Variants in CNTNAP2 observed in about 807,000 individuals in gnomAD.
CNTNAP2 encodes contactin associated protein 2, also known as contactin-associated protein-like 2.
In CNTNAP2, 98 loss-of-function variants were observed where a neutral mutation model predicts 155.2. That is an observed-to-expected ratio of 0.63 (90% CI 0.54 to 0.75). CNTNAP2 has a LOEUF of 0.75. CNTNAP2 is among the 30% of genes least tolerant of loss of function. CNTNAP2 has a pLI of 0.00. For missense variants in CNTNAP2, 1,727 were observed against 1,688.1 expected, an observed-to-expected ratio of 1.02 and a Z score of -0.40; for synonymous variants, 651 against 631.2, an observed-to-expected ratio of 1.03 and a Z score of -0.47.
At chr7:147,444,748 G>T (rs1299579335) in intron 10 of CNTNAP2, among the ~76,000 whole-genome samples, 1 of 152,092 alleles carries the variant, frequency 6.6e-6, no homozygotes, top group Non-Finnish European at 1.5e-5. Context: ...AGCAAGTGCA[G>T]GAGGAAAGCA....
intron 10 of CNTNAP2, among the ~76,000 whole-genome samples, chr7:147,458,251 T>C (rs928181054): frequency 1.1e-4 from 16 of 152,130 alleles, no homozygotes; most frequent in African/African-American, 3.6e-4. Flanking sequence ...TGTTGAACAG[T>C]AAATTTTATT....
At chr7:147,795,304 C>A (rs941503109) in intron 13 of CNTNAP2, among the ~76,000 whole-genome samples, 2 of 151,688 alleles carry the variant, frequency 1.3e-5, no homozygotes, top group Non-Finnish European at 2.9e-5. Context: ...ACAATTTCTG[C>A]CTTTTAATTA....
chr7:147,488,104 C>T (rs188373185), intron 11 of CNTNAP2, among the ~76,000 whole-genome samples: 106 of 152,248 alleles, frequency 7.0e-4, no homozygotes, highest in Non-Finnish European at 1.1e-3. Flanking sequence ...CATTTGCCTC[C>T]TAATAACCTG....
At chr7:147,557,472 C>T (rs1050539068) in intron 11 of CNTNAP2, among the ~76,000 whole-genome samples, 4 of 152,078 alleles carry the variant, frequency 2.6e-5, no homozygotes, top group African/African-American at 9.7e-5. Context: ...ATTTATTTTG[C>T]CATCAACCCA....
chr7:148,178,670 T>G (rs1436243306), intron 18 of CNTNAP2, among the ~76,000 whole-genome samples: 2 of 152,178 alleles, frequency 1.3e-5, no homozygotes, highest in Non-Finnish European at 2.9e-5. Flanking sequence ...TTAGGAAAAT[T>G]GTTTGTCACT....
intron 13 of CNTNAP2, among the ~76,000 whole-genome samples, chr7:147,761,075 A>G (rs1370117419): frequency 6.6e-6 from 1 of 152,184 alleles, no homozygotes; most frequent in Non-Finnish European, 1.5e-5. Context: ...TTCCCAAAGA[A>G]TGAAATTAAT....
chr7:146,901,447 A>G (rs1273645745), intron 3 of CNTNAP2, among the ~76,000 whole-genome samples: 1 of 152,234 alleles, frequency 6.6e-6, no homozygotes, highest in Non-Finnish European at 1.5e-5. Flanking sequence ...ACACAGGGAA[A>G]GAATTAAAGA....
intron 13 of CNTNAP2, among the ~76,000 whole-genome samples, chr7:147,794,323 T>C (rs1361261097): frequency 1.3e-5 from 2 of 151,972 alleles, no homozygotes; most frequent in Admixed American, 6.5e-5. Flanking sequence ...ATGAAGACAT[T>C]TCCTTCTATT....
intron 11 of CNTNAP2, among the ~76,000 whole-genome samples, chr7:147,519,023 CAAAAAAA>C (rs149054741): frequency 4.4e-4 from 45 of 102,272 alleles, no homozygotes; most frequent in African/African-American, 1.5e-3. Context: ...GACTCTGTCT[CAAAAAAA>C]AAAAAAAAAA....
intron 18 of CNTNAP2, among the ~76,000 whole-genome samples, chr7:148,181,007 G>A (rs967319358): frequency 1.3e-5 from 2 of 152,196 alleles, no homozygotes; most frequent in Non-Finnish European, 2.9e-5. Context: ...CTATCTACTA[G>A]AGATGAGATA....
chr7:147,467,985 C>T (rs945540998), intron 10 of CNTNAP2, among the ~76,000 whole-genome samples: 3 of 151,976 alleles, frequency 2.0e-5, no homozygotes, highest in African/African-American at 7.3e-5. Flanking sequence ...ATGCTATGAT[C>T]ACAGCACTGC....
At position 146,870,755 on chromosome 7, in the gene CNTNAP2, T is replaced by A. The variant is rs564117588; in HGVS notation, c.402+30851T>A. Among the ~76,000 whole-genome samples the A allele has an allele frequency of 2.0e-5, 3 of 152,166 alleles. No homozygotes were observed. In the South Asian group the frequency reaches 6.2e-4, roughly 32 times the overall value. On this transcript the variant is annotated intron_variant, in intron 3 of 23. Transcript: ENST00000361727. ...TATTTTTGAGGTTGTGTCAATAGAG[T>A]CATGATTAATAACAAGCATAATAAA...
chr7:147,966,905 T>C (rs1801224629), intron 14 of CNTNAP2, among the ~76,000 whole-genome samples: 1 of 152,110 alleles, frequency 6.6e-6, no homozygotes, highest in African/African-American at 2.4e-5. Flanking sequence ...TGGGTGCACA[T>C]GGCATTCCAG....
At chr7:146,448,871 A>G (rs1485817361) in intron 1 of CNTNAP2, among the ~76,000 whole-genome samples, 1 of 151,928 alleles carries the variant, frequency 6.6e-6, no homozygotes, top group East Asian at 1.9e-4. Context: ...GGATGTAGAA[A>G]CCTTGACTCC....
chr7:146,140,244 A>G (rs183999689), intron 1 of CNTNAP2, among the ~76,000 whole-genome samples: 1 of 152,222 alleles, frequency 6.6e-6, no homozygotes, highest in African/African-American at 2.4e-5. Flanking sequence ...TGTTTTCAAG[A>G]GTAGATAAAG....
chr7:148,277,808 A>G (rs12532778), intron 21 of CNTNAP2, among the ~76,000 whole-genome samples: 83,739 of 150,348 alleles, frequency 0.56, 24,926 homozygotes, highest in East Asian at 0.75. Context: ...AAAAGAAAAA[A>G]AGCTTTGCTT....
chr7:148,308,989 G>A (rs1585260537), intron 21 of CNTNAP2, among the ~76,000 whole-genome samples: 1 of 152,222 alleles, frequency 6.6e-6, no homozygotes, highest in East Asian at 1.9e-4. Context: ...ATGGGCATTT[G>A]GGTTGGTTCC....
At chr7:147,902,411 C>A (rs960121179) in intron 13 of CNTNAP2, among the ~76,000 whole-genome samples, 1 of 150,870 alleles carries the variant, frequency 6.6e-6, no homozygotes, top group Non-Finnish European at 1.5e-5. Flanking sequence ...TTAAAAAAAA[C>A]AAATTTATTT....
chr7:147,523,318 C>T (rs893688318), intron 11 of CNTNAP2, among the ~76,000 whole-genome samples: 14 of 151,978 alleles, frequency 9.2e-5, no homozygotes, highest in African/African-American at 2.4e-4. Context: ...GAGGAGACAG[C>T]GAGAGAGAGA....
Sources: gnomAD v4.1 joint callset for allele counts (sites outside exome capture counted in the v4.1 genomes callset) on GRCh38, gnomAD v4.1.1 for gene constraint, MANE v1.5 for transcripts, NCBI Gene and HGNC (gene_info 2026-07-23, HGNC 2026-07-21) for gene names.